Variants in PGM5 observed in about 807,000 individuals in gnomAD.
PGM5 encodes phosphoglucomutase-like protein 5.
Under a neutral mutation model 59.2 loss-of-function variants are expected in PGM5, and 23 were observed. The ratio of observed to expected loss-of-function variants is 0.39; its 90% CI spans 0.28 to 0.55. The LOEUF is 0.55. Among genes scored for constraint, PGM5 ranks in the 20% least tolerant of loss-of-function variants. The pLI, the probability that PGM5 is intolerant of heterozygous loss-of-function variation, is 0.66. For synonymous variants in PGM5, 214 were observed against 286.0 expected, an observed-to-expected ratio of 0.75 and a Z score of 2.54; for missense variants, 574 against 748.3, an observed-to-expected ratio of 0.77 and a Z score of 2.72.
intron 6 of PGM5, among the ~76,000 whole-genome samples, chr9:68,404,638 AT>A (rs1305385169): frequency 1.3e-5 from 2 of 152,214 alleles, no homozygotes; most frequent in African/African-American, 4.8e-5. Flanking sequence ...CAGTCATCTC[AT>A]CTCTGATCAG....
intron 10 of PGM5, among the ~76,000 whole-genome samples, chr9:68,515,106 C>G (rs1020700480): frequency 2.0e-5 from 3 of 152,206 alleles, no homozygotes; most frequent in Non-Finnish European, 4.4e-5. Flanking sequence ...CAGTCTAGCA[C>G]ACTTCAATTA....
chr9:68,378,937 G>A (rs1554678090), intron 2 of PGM5, among the ~76,000 whole-genome samples: 1 of 152,062 alleles, frequency 6.6e-6, no homozygotes, highest in African/African-American at 2.4e-5. Context: ...AAAAAATAGG[G>A]AGAATAAGAA....
chr9:68,400,017 T>A (rs1822625821), intron 6 of PGM5, among the ~76,000 whole-genome samples: 1 of 152,184 alleles, frequency 6.6e-6, no homozygotes, highest in African/African-American at 2.4e-5. Flanking sequence ...TGTTATTTCT[T>A]CTCCATTCCT....
At chr9:68,463,815 A>T (rs1332618414) in intron 6 of PGM5, among the ~76,000 whole-genome samples, 1 of 152,204 alleles carries the variant, frequency 6.6e-6, no homozygotes, top group Non-Finnish European at 1.5e-5. Context: ...GCAATACAGC[A>T]GACAGTCTCT....
intron 6 of PGM5, chr9:68,428,864 A>G (rs1440686164): frequency 2.6e-5 from 4 of 152,202 alleles, no homozygotes; most frequent in African/African-American, 9.7e-5. Flanking sequence ...AATGCTCCTT[A>G]TAACTCTGAT....
intron 6 of PGM5, among the ~76,000 whole-genome samples, chr9:68,454,803 A>T (rs1554684671): frequency 6.6e-6 from 1 of 152,146 alleles, no homozygotes. Context: ...TTTCCTGCTC[A>T]CTCAGCCTTA....
At chr9:68,360,435 C>T (rs1834554087) in intron 1 of PGM5, among the ~76,000 whole-genome samples, 1 of 150,442 alleles carries the variant, frequency 6.6e-6, no homozygotes, top group African/African-American at 2.4e-5. Flanking sequence ...GAATAATGAG[C>T]CTTGGGAGAG....
chr9:68,474,400 G>A (rs191211243), intron 7 of PGM5, among the ~76,000 whole-genome samples: 5 of 152,242 alleles, frequency 3.3e-5, no homozygotes, highest in Admixed American at 2.0e-4. Flanking sequence ...GTTTCCATGT[G>A]AAGAAAACAT....
At chr9:68,449,025 C>A (rs141657397) in intron 6 of PGM5, among the ~76,000 whole-genome samples, 1 of 152,294 alleles carries the variant, frequency 6.6e-6, no homozygotes, top group East Asian at 1.9e-4. Flanking sequence ...AGATCAAGGA[C>A]CCAGCAGATT....
intron 2 of PGM5, among the ~76,000 whole-genome samples, chr9:68,383,733 T>C (rs1487347390): frequency 9.6e-5 from 6 of 62,814 alleles, no homozygotes; most frequent in African/African-American, 1.3e-4. Context: ...CATTAAGATA[T>C]ACAAGGTAAA....
intron 10 of PGM5, among the ~76,000 whole-genome samples, chr9:68,529,164 C>CAT (rs1488725319): frequency 6.8e-5 from 9 of 131,952 alleles, no homozygotes; most frequent in African/African-American, 2.0e-4. Context: ...CTTTTATTCT[C>CAT]GTGTGTGTGT....
chr9:68,445,704 G>T (rs879992743), intron 6 of PGM5, among the ~76,000 whole-genome samples: 1 of 152,176 alleles, frequency 6.6e-6, no homozygotes, highest in Non-Finnish European at 1.5e-5. Context: ...ACCTTAAATA[G>T]AACCTTTTCA....
At chr9:68,462,627 C>T (rs898994101) in intron 6 of PGM5, among the ~76,000 whole-genome samples, 1 of 152,094 alleles carries the variant, frequency 6.6e-6, no homozygotes, top group Admixed American at 6.5e-5. Context: ...TCCCTTCAGA[C>T]CTGCCAACTT....
intron 7 of PGM5, among the ~76,000 whole-genome samples, chr9:68,466,867 T>G (rs1823943025): frequency 6.6e-6 from 1 of 152,210 alleles, no homozygotes; most frequent in Admixed American, 6.5e-5. Context: ...CTTTCCCTGG[T>G]AGCAGAGACC....
At chr9:68,465,710 C>G (rs536880804) in intron 7 of PGM5, among the ~76,000 whole-genome samples, 2 of 152,242 alleles carry the variant, frequency 1.3e-5, no homozygotes, top group Non-Finnish European at 2.9e-5. Flanking sequence ...AAAACGTTTT[C>G]TTTTTTTACA....
At chr9:68,385,089 T>G (rs1460186542) in intron 3 of PGM5, among the ~76,000 whole-genome samples, 3 of 151,970 alleles carry the variant, frequency 2.0e-5, no homozygotes, top group East Asian at 1.9e-4. Flanking sequence ...GATTCAAAAA[T>G]TAAAGAACCA....
At chr9:68,400,065 G>T (rs1822626746) in intron 6 of PGM5, among the ~76,000 whole-genome samples, 1 of 151,800 alleles carries the variant, frequency 6.6e-6, no homozygotes, top group Admixed American at 6.6e-5. Flanking sequence ...ATTATCTTTT[G>T]CTTGGACTAT....
chr9:68,373,141 C>T (rs1821784901), intron 1 of PGM5, among the ~76,000 whole-genome samples: 1 of 137,772 alleles, frequency 7.3e-6, no homozygotes, highest in Non-Finnish European at 1.6e-5. Context: ...TTAAAATCCT[C>T]CTCTGCCTAG....
intron 6 of PGM5, among the ~76,000 whole-genome samples, chr9:68,417,394 A>C (rs757677008): frequency 1.3e-5 from 2 of 151,548 alleles, no homozygotes; most frequent in Non-Finnish European, 2.9e-5. Flanking sequence ...CAAATCTAGG[A>C]GATCTTGAGC....
Sources: allele counts gnomAD v4.1 joint callset (sites outside exome capture counted in the v4.1 genomes callset), GRCh38; gene constraint gnomAD v4.1.1; transcripts MANE v1.5; gene names NCBI Gene and HGNC (gene_info 2026-07-23, HGNC 2026-07-21).